The following CD47 variants were observed in gnomAD, a reference collection of about 807,000 sequenced individuals.
CD47 encodes the protein CD47 molecule, also known as leukocyte surface antigen CD47.
In CD47, 11 loss-of-function variants were observed where a neutral mutation model predicts 44.6. The observed-to-expected ratio is 0.25, with a 90% CI of 0.16 to 0.41. The LOEUF is 0.41. CD47 is among the 10% of genes least tolerant of loss of function. The pLI is 1.00. For missense variants in CD47, 306 were observed against 386.7 expected, an observed-to-expected ratio of 0.79 and a Z score of 1.75; for synonymous variants, 140 against 136.3, an observed-to-expected ratio of 1.03 and a Z score of -0.19.
intron 7 of CD47, chr3:108,054,431 C>T (rs1216568001): frequency 6.6e-6 from 1 of 152,148 alleles, no homozygotes; most frequent in Non-Finnish European, 1.5e-5. Context: ...TAAAACCAAA[C>T]AGTGTACAAG....
chr3:108,065,734 C>T (rs938738094), intron 3 of CD47, among the ~76,000 whole-genome samples: 1 of 138,882 alleles, frequency 7.2e-6, no homozygotes, highest in Admixed American at 8.2e-5. Flanking sequence ...ATCGCTTGAA[C>T]CTGGGAGGCG....
intron 2 of CD47, among the ~76,000 whole-genome samples, chr3:108,077,158 T>C (rs1176706967): frequency 2.0e-5 from 3 of 152,172 alleles, no homozygotes; most frequent in East Asian, 1.9e-4. Flanking sequence ...CACTTCTCTA[T>C]TGAGCAAATT....
intron 3 of CD47, 122 bp downstream of exon 3, chr3:108,070,971 A>C (rs906481495): frequency 3.6e-6 from 2 of 550,392 alleles, no homozygotes; most frequent in African/African-American, 1.9e-5. Context: ...TTCAAATTAC[A>C]TACTCATATT....
intron 1 of CD47, among the ~76,000 whole-genome samples, chr3:108,086,711 G>A (rs1296933994): frequency 6.6e-6 from 1 of 152,118 alleles, no homozygotes; most frequent in Non-Finnish European, 1.5e-5. Context: ...AGGAACAAGG[G>A]CAAGGACATT....
Position 108,080,129 on chromosome 3 carries a change from C to A in CD47, c.262G>T (p.Val88Phe). ...PTDFSSAKIE[V>F]SQLLKGDASL... Reference sequence around the variant, plus strand: ...GCATCTCCTTTTAGTAATTGTGAGACTTCAATTTTTGCACTACTAAAGTCA... The same window carrying A: ...GCATCTCCTTTTAGTAATTGTGAGAATTCAATTTTTGCACTACTAAAGTCA... The change falls in exon 2 of 11, where the codon GTC (valine) becomes TTC (phenylalanine). Residue 88 changes from valine to phenylalanine, a missense_variant. Transcript: ENST00000361309. 6.2e-7 allele frequency: 1 copy of A among 1,612,984 alleles called. No homozygotes were observed. The highest frequency in any genetic ancestry group is 8.5e-7 in the Non-Finnish European group (1 of 1,179,098).
intron 3 of CD47, among the ~76,000 whole-genome samples, chr3:108,065,985 C>A (rs566966193): frequency 6.6e-6 from 1 of 152,090 alleles, no homozygotes; most frequent in African/African-American, 2.4e-5. Context: ...GCTATGTCTT[C>A]ACTTTTTCAG....
rs181097980 is a variant in CD47, at chr3:108,060,050, G to A, written c.599-506C>T. On this transcript the variant is annotated intron_variant, in intron 4 of 10. Coordinates refer to ENST00000361309, the MANE Select transcript of CD47 (RefSeq NM_001777.4). ...AGCCTTCCTTTGCTTTTCTTTACAT[G>A]TGCTACATATCCTCATTTCCCACTC... 1.3e-4 allele frequency among the ~76,000 whole-genome samples: 20 copies of A among 152,254 alleles called. No individual in the cohort carries two copies. In the East Asian group the frequency reaches 2.9e-3, roughly 22 times the overall value.
chr3:108,068,828 C>T (rs1355293741), intron 3 of CD47, among the ~76,000 whole-genome samples: 1 of 152,102 alleles, frequency 6.6e-6, no homozygotes, highest in South Asian at 2.1e-4. Flanking sequence ...TAAATGTGAG[C>T]GCAGGCTGGG....
chr3:108,060,887 A>T, intron 3 of CD47, 35 bp from the exon 4 acceptor site: 2 of 1,379,216 alleles, frequency 1.5e-6, no homozygotes, highest in Non-Finnish European at 2.1e-6. Context: ...ATATGAACTC[A>T]ATCACAAGTG....
intron 7 of CD47, 60 bp downstream of exon 7, chr3:108,057,417 T>A: frequency 1.2e-6 from 1 of 806,920 alleles, no homozygotes; most frequent in South Asian, 1.5e-5. Context: ...CTAAAAAGCA[T>A]TTTCTAAGTG....
rs58021560 is a variant in CD47, at chr3:108,065,811, C to CAAA, written c.491-4962_491-4960dup. Among the ~76,000 whole-genome samples, 318 of 61,210 alleles carry CAAA rather than the reference C, an allele frequency of 5.2e-3. 17 individuals are homozygous for CAAA. Among genetic ancestry groups the CAAA allele is most frequent in the Non-Finnish European group, 7.1e-3 (240 of 33,966 alleles). 40.2% of individuals were successfully genotyped at this position (61,210 alleles called of 152,430 possible). A position where few individuals can be genotyped will look rare whatever the true frequency, so the allele number is the denominator to read the frequency against. ...TGGGCAACAGAGCGAGACTCCGTCT[C>CAAA]AAAAAAAAAAAAAAAAAAAAAAAAA... On this transcript the variant is annotated intron_variant, in intron 3 of 10. Coordinates refer to ENST00000361309, the MANE Select transcript of CD47 (RefSeq NM_001777.4).
chr3:108,087,343 C>T (rs1478351309), intron 1 of CD47, among the ~76,000 whole-genome samples: 2 of 151,992 alleles, frequency 1.3e-5, no homozygotes, highest in East Asian at 3.9e-4. Context: ...CAACGCAATC[C>T]CCCTAATGAA....
chr3:108,044,415 C>CAAAAAAAAAAAAAAA lies in CD47; in HGVS notation c.*2858_*2872dup, dbSNP rs55777019. Reference sequence around the variant, plus strand: ...GGTTTTTAGAGCATGTGAAATTAGTCAAAAAAAAAAAAAAAAAAAAAAAAA... The same window carrying CAAAAAAAAAAAAAAA: ...GGTTTTTAGAGCATGTGAAATTAGTCAAAAAAAAAAAAAAAAAAAAAAAAAAAAAAAAAAAAAAAA... On this transcript the variant is annotated 3_prime_UTR_variant, in exon 11 of 11. Coordinates refer to ENST00000361309, the MANE Select transcript of CD47 (RefSeq NM_001777.4). The CAAAAAAAAAAAAAAA allele has an allele frequency of 2.9e-5, 1 of 34,106 alleles. No individual in the cohort carries two copies. The highest frequency in any genetic ancestry group is 6.3e-5 in the Non-Finnish European group (1 of 15,942). 2.1% of individuals were successfully genotyped at this position (34,106 alleles called of 1,614,324 possible).
intron 7 of CD47, among the ~76,000 whole-genome samples, chr3:108,057,010 G>C (rs1269082574): frequency 6.6e-6 from 1 of 152,064 alleles, no homozygotes; most frequent in East Asian, 1.9e-4. Context: ...TTCCTGTCTG[G>C]GGTGTCTATG....
intron 6 of CD47, 63 bp downstream of exon 6, chr3:108,058,274 A>C (rs2078950232): frequency 2.2e-6 from 2 of 922,130 alleles, no homozygotes; most frequent in Non-Finnish European, 3.2e-6. Context: ...AAGAAAAAGA[A>C]AAAGGAAGAA....
At chr3:108,062,623 A>G (rs1406908237) in intron 3 of CD47, among the ~76,000 whole-genome samples, 1 of 150,780 alleles carries the variant, frequency 6.6e-6, no homozygotes, top group African/African-American at 2.4e-5. Context: ...TTCTTCTTCT[A>G]TATTTTTCTT....
chr3:108,061,129 TA>T (rs1050962755), intron 3 of CD47, among the ~76,000 whole-genome samples: 21 of 151,340 alleles, frequency 1.4e-4, no homozygotes, highest in African/African-American at 4.9e-4. Context: ...GTTGATGTAT[TA>T]CTAATAAATT....
chr3:108,086,414 A>G (rs766154910), intron 1 of CD47, among the ~76,000 whole-genome samples: 2 of 152,186 alleles, frequency 1.3e-5, no homozygotes, highest in Non-Finnish European at 2.9e-5. Context: ...AGTTGTGGGA[A>G]GCAGGGGAGA....
At chr3:108,058,256 AAGAG>A (rs1273195001) in intron 6 of CD47, 77 bp downstream of exon 6, 1 of 815,074 alleles carries the variant, frequency 1.2e-6, no homozygotes, top group Non-Finnish European at 1.8e-6. Context: ...TATTTTTAAA[AAGAG>A]AGAAAGAAAA....
Sources: gnomAD v4.1 joint callset for allele counts (sites outside exome capture counted in the v4.1 genomes callset) on GRCh38, gnomAD v4.1.1 for gene constraint, MANE v1.5 for transcripts, NCBI Gene and HGNC (gene_info 2026-07-23, HGNC 2026-07-21) for gene names.